The following FMNL1 variants were observed in gnomAD, a reference collection of about 807,000 sequenced individuals.
The protein encoded by FMNL1 is formin like 1.
Under a neutral mutation model 121.3 loss-of-function variants are expected in FMNL1, and 43 were observed. The ratio of observed to expected loss-of-function variants is 0.35; its 90% CI spans 0.28 to 0.46. FMNL1 has a LOEUF of 0.46. Ranked by LOEUF, FMNL1 falls within the 20% of genes least tolerant of loss-of-function variation. FMNL1 has a pLI of 1.00. For missense variants in FMNL1, 1,191 were observed against 1,482.4 expected, an observed-to-expected ratio of 0.80 and a Z score of 3.23; for synonymous variants, 613 against 613.5, an observed-to-expected ratio of 1.00 and a Z score of 0.01.
intron 1 of FMNL1, among the ~76,000 whole-genome samples, chr17:45,228,150 G>A (rs1020671881): frequency 6.6e-6 from 1 of 152,164 alleles, no homozygotes; most frequent in Non-Finnish European, 1.5e-5. Flanking sequence ...GGCATCTGAT[G>A]GCCCCTCTCC....
chr17:45,232,586 C>A, intron 3 of FMNL1, 106 bp downstream of exon 3: 3 of 984,692 alleles, frequency 3.0e-6, no homozygotes, highest in Non-Finnish European at 4.7e-6. Flanking sequence ...TGTGTGGGTG[C>A]ATGTATGAGT....
In FMNL1 at chr17:45,239,080, G is replaced by GC; in HGVS notation, c.1080+21dup. Reference sequence around the variant, plus strand: ...TGTACTTGGAGGTAAGCCCTGTACTGCCCCCCAGACTGAACTGCCTGCCCA... The same window carrying GC: ...TGTACTTGGAGGTAAGCCCTGTACTGCCCCCCCAGACTGAACTGCCTGCCCA... On this transcript the variant is annotated intron_variant, in intron 11 of 26. Coordinates refer to ENST00000331495, the MANE Select transcript of FMNL1 (RefSeq NM_005892.4). The GC allele has an allele frequency of 6.9e-6, 11 of 1,602,346 alleles. No individual in the cohort carries two copies. Among genetic ancestry groups the GC allele is most frequent in the Non-Finnish European group, 9.4e-6 (11 of 1,169,430 alleles).
chr17:45,238,577 A>C lies in FMNL1; in HGVS notation c.908A>C (p.Gln303Pro). Residue 303 changes from glutamine to proline, a missense_variant, in exon 10 of 27, where the codon CAG becomes CCG. Around this residue, in one of 4 missense-constraint regions of FMNL1, gnomAD observed 253 missense variants for 417.5 expected, o/e 0.61. Transcript: ENST00000331495. ...CCCCTTACCCAGGTGTGTGGGGAGC[A>C]GCACCGCTTTGAAAAGCTGATGGAA... ...FDNFKEVCGE[Q>P]HRFEKLMEYF... The C allele has an allele frequency of 6.2e-7, 1 of 1,614,212 alleles. No homozygotes were observed. The highest frequency in any genetic ancestry group is 8.5e-7 in the Non-Finnish European group (1 of 1,180,016).
intron 10 of FMNL1, 142 bp downstream of exon 10, chr17:45,238,780 T>A: frequency 1.7e-6 from 2 of 1,186,870 alleles, no homozygotes; most frequent in Non-Finnish European, 1.2e-6. Context: ...AGGGTGGATG[T>A]TGGCAGGGGG....
At chr17:45,235,005 G>C (rs1421055357) in intron 6 of FMNL1, among the ~76,000 whole-genome samples, 1 of 152,256 alleles carries the variant, frequency 6.6e-6, no homozygotes, top group African/African-American at 2.4e-5. Flanking sequence ...GCAGGAAGCA[G>C]GCAGTAGATG....
At chr17:45,223,057 C>G (rs1463938636) in intron 1 of FMNL1, among the ~76,000 whole-genome samples, 1 of 152,024 alleles carries the variant, frequency 6.6e-6, no homozygotes, top group Non-Finnish European at 1.5e-5. Flanking sequence ...TCAGGGGTCT[C>G]CAAGACCCTG....
intron 1 of FMNL1, among the ~76,000 whole-genome samples, chr17:45,223,754 A>G (rs370768031): frequency 2.0e-5 from 3 of 152,274 alleles, no homozygotes; most frequent in African/African-American, 7.2e-5. Context: ...TTGGAGGGAC[A>G]TGGGTCTGTC....
chr17:45,230,262 G>A (rs949694056), intron 1 of FMNL1, among the ~76,000 whole-genome samples: 7 of 152,238 alleles, frequency 4.6e-5, no homozygotes, highest in African/African-American at 1.4e-4. Flanking sequence ...GGAAAACTGG[G>A]GCCCAGAAGT....
At chr17:45,242,773 C>G (rs1432642883) in intron 16 of FMNL1, among the ~76,000 whole-genome samples, 1 of 152,254 alleles carries the variant, frequency 6.6e-6, no homozygotes, top group Non-Finnish European at 1.5e-5. Flanking sequence ...GATTCCACTT[C>G]CAGTTTTCCA....
Position 45,230,935 on chromosome 17 carries a change from AGCTGGTTCAG to A in FMNL1, c.213+254_213+263del, listed in dbSNP as rs201767725. Among the ~76,000 whole-genome samples the A allele has an allele frequency of 4.2e-3, 633 of 152,282 alleles. 6 individuals are homozygous for A. Among genetic ancestry groups the A allele is most frequent in the African/African-American group, 0.015 (608 of 41,552 alleles). On this transcript the variant is annotated intron_variant, in intron 2 of 26. Coordinates refer to ENST00000331495, the MANE Select transcript of FMNL1 (RefSeq NM_005892.4). ...GGGTCAGCTTCAGAGGAGCTGGCAG[AGCTGGTTCAG>A]GCTGGGGCAGCTGGGGCCTCGCACT...
chr17:45,230,469 A>G (rs1031081115), intron 1 of FMNL1, 135 bp from the exon 2 acceptor site: 2 of 697,434 alleles, frequency 2.9e-6, no homozygotes, highest in African/African-American at 3.6e-5. Context: ...AACACTACGT[A>G]TCTCCTAGGG....
At position 45,245,275 on chromosome 17, in the gene FMNL1, G is replaced by A. The variant is rs139834093; in HGVS notation, c.2751G>A (p.Ala917=). ...CAGTGTCCCTGGACAGTGTCCTGGC[G>A]GACGTGCGCTCCCTGCAGCGAGGCC... is the stretch of plus-strand genomic sequence containing the variant. ...AGSVSLDSVL[A]DVRSLQRGLE... The change falls in exon 22 of 27, where the codon GCG becomes GCA. Residue 917 remains alanine (A), a synonymous_variant. Coordinates refer to ENST00000331495, the MANE Select transcript of FMNL1 (RefSeq NM_005892.4). 76 of 1,614,184 alleles carry A rather than the reference G, an allele frequency of 4.7e-5. 1 individual carries two copies. The highest frequency in any genetic ancestry group is 4.3e-4 in the South Asian group (39 of 91,088).
At chr17:45,236,316 G>A (rs1027204425) in intron 7 of FMNL1, 72 bp downstream of exon 7, 13 of 1,273,266 alleles carry the variant, frequency 1.0e-5, no homozygotes, top group Middle Eastern at 1.8e-4. Context: ...ACAAGCTGCC[G>A]AGGCTCTGGG....
chr17:45,241,816 C>T lies in FMNL1; in HGVS notation c.1586-31C>T. ...ACCCAAGTCAAGGAGCTGACTCGCG[C>T]CTCCCCCACGCCGCGCCCTCGCTGG... On this transcript the variant is annotated intron_variant, in intron 14 of 26. Transcript: ENST00000331495. This position sits in a 1 kb window ranked among gnomAD's most constrained non-coding sequence, Gnocchi z 7.0. 3 of 1,409,704 alleles carry T rather than the reference C, an allele frequency of 2.1e-6. No individual in the cohort carries two copies. The highest frequency in any genetic ancestry group is 2.8e-5 in the East Asian group (1 of 36,040). The allele number at this position is 1,409,704 out of a possible 1,614,324, so 87.3% of individuals were successfully genotyped here.
intron 10 of FMNL1, 120 bp downstream of exon 10, chr17:45,238,758 G>T (rs1263239198): frequency 7.6e-7 from 1 of 1,307,346 alleles, no homozygotes; most frequent in Non-Finnish European, 1.1e-6. Context: ...GGACTGAGTG[G>T]TCAGTAGGGG....
At chr17:45,232,220 G>T (rs1335595605) in intron 2 of FMNL1, 147 bp from the exon 3 acceptor site, 2 of 692,826 alleles carry the variant, frequency 2.9e-6, no homozygotes, top group Admixed American at 2.9e-5. Context: ...GGACTGTTTG[G>T]GTTTATACCT....
intron 10 of FMNL1, 146 bp downstream of exon 10, chr17:45,238,784 C>A: frequency 8.6e-7 from 1 of 1,165,100 alleles, no homozygotes; most frequent in Non-Finnish European, 1.2e-6. Flanking sequence ...TGGATGTTGG[C>A]AGGGGGCTGG....
intron 11 of FMNL1, 172 bp downstream of exon 11, chr17:45,239,237 G>T (rs1382002432): frequency 4.9e-6 from 3 of 615,032 alleles, no homozygotes; most frequent in African/African-American, 3.7e-5. Context: ...TGTCAGTTTT[G>T]CCATCTGTGA....
rs374169714 is a variant in FMNL1, at chr17:45,236,208, C to T, written c.687C>T (p.Val229=). The T allele has an allele frequency of 1.5e-5, 24 of 1,613,956 alleles. No homozygotes were observed. The highest frequency in any genetic ancestry group is 1.6e-4 in the Middle Eastern group (1 of 6,082). Residue 229 remains valine, a synonymous_variant, in exon 7 of 27, where the codon GTC becomes GTT. Coordinates refer to ENST00000331495, the MANE Select transcript of FMNL1 (RefSeq NM_005892.4). The part of the protein sequence containing the change: ...RIVSQKDDVH[V]CIMCLRAIMN... ...TCAGCCAGAAGGACGACGTCCACGT[C>T]TGTATTATGTGCCTACGCGCCATCA...
Sources: allele counts gnomAD v4.1 joint callset (sites outside exome capture counted in the v4.1 genomes callset), GRCh38; gene constraint gnomAD v4.1.1; regional missense constraint gnomAD v4.1.1; non-coding constraint Gnocchi (gnomAD v3.1); transcripts MANE v1.5; gene names NCBI Gene and HGNC (gene_info 2026-07-23, HGNC 2026-07-21).